B3GALT5: variants seen among roughly 807,000 people sequenced by gnomAD.
The protein encoded by B3GALT5 is beta-1,3-galactosyltransferase 5.
For synonymous variants in B3GALT5, 156 were observed against 158.6 expected, an observed-to-expected ratio of 0.98 and a Z score of 0.12; for missense variants, 328 against 396.6, an observed-to-expected ratio of 0.83 and a Z score of 1.47.
chr21:39,633,505 T>C (rs2079205785), intron 1 of B3GALT5, among the ~76,000 whole-genome samples: 1 of 152,190 alleles, frequency 6.6e-6, no homozygotes, highest in African/African-American at 2.4e-5. Context: ...CACTGTGAAA[T>C]GGGTTTCTAA....
chr21:39,632,937 T>C (rs1027432561), intron 1 of B3GALT5, among the ~76,000 whole-genome samples: 1 of 152,236 alleles, frequency 6.6e-6, no homozygotes, highest in Admixed American at 6.5e-5. Flanking sequence ...TATCTCTTCC[T>C]ACTTCTTTCC....
rs190109056 is a variant in B3GALT5, at chr21:39,616,302, G to C, written c.-392+3235G>C. Among the ~76,000 whole-genome samples the C allele has an allele frequency of 5.6e-4, 85 of 152,164 alleles. 1 individual carries two copies. The highest frequency in any genetic ancestry group is 1.8e-3 in the African/African-American group (76 of 41,526). ...TTTCTAATTTATTCATTTTTCCATA[G>C]AGGTGTTTTGGTGATCACTGTGCTT... On this transcript the variant is annotated intron_variant, in intron 1 of 3. Coordinates refer to ENST00000684187, the MANE Select transcript of B3GALT5 (RefSeq NM_001356336.2).
At chr21:39,633,136 C>T (rs1169303952) in intron 1 of B3GALT5, among the ~76,000 whole-genome samples, 5 of 152,024 alleles carry the variant, frequency 3.3e-5, no homozygotes, top group African/African-American at 1.2e-4. Flanking sequence ...GGCTGTGGTT[C>T]TTCTAGAGGG....
intron 2 of B3GALT5, among the ~76,000 whole-genome samples, chr21:39,648,588 C>G (rs1311689668): frequency 6.6e-6 from 1 of 152,170 alleles, no homozygotes; most frequent in African/African-American, 2.4e-5. Context: ...GTTTGGCCCT[C>G]CATGCAGTTG....
chr21:39,651,663 A>G (rs2079396642), intron 2 of B3GALT5, among the ~76,000 whole-genome samples: 1 of 152,230 alleles, frequency 6.6e-6, no homozygotes, highest in African/African-American at 2.4e-5. Context: ...CCACAGTAGT[A>G]GAACTTGTGA....
rs780438771 is a variant in B3GALT5, at chr21:39,661,228, C to T, written c.669C>T (p.Gly223=). 42 of 1,614,114 alleles carry T rather than the reference C, an allele frequency of 2.6e-5. 1 individual carries two copies. In the Admixed American group the frequency reaches 3.8e-4, roughly 15 times the overall value. Residue 223 remains glycine, a synonymous_variant, in exon 4 of 4, where the codon GGC becomes GGT. Transcript: ENST00000684187. The surrounding 1 kb of genome is among the most constrained non-coding windows in gnomAD (Gnocchi z 4.7). ...FCSGTGYVFS[G]DVASQVYNVS... ...CCGGCACCGGCTACGTGTTTTCTGGCGACGTGGCGAGTCAGGTGTACAATG... is the reference window on the plus strand; with the variant it reads ...CCGGCACCGGCTACGTGTTTTCTGGTGACGTGGCGAGTCAGGTGTACAATG...
chr21:39,626,883 A>G (rs2079166797), intron 1 of B3GALT5, among the ~76,000 whole-genome samples: 1 of 151,970 alleles, frequency 6.6e-6, no homozygotes, highest in Admixed American at 6.6e-5. Flanking sequence ...GGCTGCATTC[A>G]TTTCTCTTCT....
intron 1 of B3GALT5, among the ~76,000 whole-genome samples, chr21:39,622,968 A>G (rs1160437555): frequency 1.3e-5 from 2 of 152,122 alleles, no homozygotes; most frequent in African/African-American, 4.8e-5. Context: ...TTTCTCTATC[A>G]TGACAAGGAC....
intron 2 of B3GALT5, among the ~76,000 whole-genome samples, chr21:39,655,782 G>A (rs1279326297): frequency 2.0e-5 from 3 of 152,148 alleles, no homozygotes; most frequent in Non-Finnish European, 4.4e-5. Flanking sequence ...CGTCAGTCTG[G>A]GGTCAGCTGC....
At position 39,662,082 on chromosome 21, in the gene B3GALT5, T is replaced by G. The variant is rs2146223571; in HGVS notation, c.*590T>G. On this transcript the variant is annotated 3_prime_UTR_variant, in exon 4 of 4. Coordinates refer to ENST00000684187, the MANE Select transcript of B3GALT5 (RefSeq NM_001356336.2). The stretch of plus-strand genomic sequence containing the variant: ...CAGCTCCTTCATTCACAGGGCTGGA[T>G]GTAGCTGGGATTGAGTCCATGTTAT... 6.0e-6 allele frequency: 1 copy of G among 167,176 alleles called. No individual in the cohort carries two copies. Among genetic ancestry groups the G allele is most frequent in the African/African-American group, 2.4e-5 (1 of 41,558 alleles). The allele number at this position is 167,176 out of a possible 1,614,324, so 10.4% of individuals were successfully genotyped here.
Position 39,671,370 on chromosome 21 carries a change from T to C in B3GALT5, c.*9878T>C, listed in dbSNP as rs947081582. ...TGGCTGTGTCGCTCCTGGCAGATTT[T>C]AAAGTTCTTCCAGCCTGATTCCTCT... On this transcript the variant is annotated 3_prime_UTR_variant, in exon 4 of 4. Coordinates refer to ENST00000684187, the MANE Select transcript of B3GALT5 (RefSeq NM_001356336.2). 3 of 152,232 alleles carry C rather than the reference T, an allele frequency of 2.0e-5. No individual in the cohort carries two copies. Among genetic ancestry groups the C allele is most frequent in the Non-Finnish European group, 4.4e-5 (3 of 68,042 alleles). The allele number at this position is 152,232 out of a possible 1,614,324, so 9.4% of individuals were successfully genotyped here.
At chr21:39,632,876 C>T (rs552269085) in intron 1 of B3GALT5, among the ~76,000 whole-genome samples, 10 of 152,266 alleles carry the variant, frequency 6.6e-5, no homozygotes, top group Non-Finnish European at 1.5e-4. Flanking sequence ...TATGGTTATG[C>T]ACTCTATCCA....
intron 2 of B3GALT5, chr21:39,657,843 A>G: frequency 8.1e-7 from 1 of 1,231,728 alleles, no homozygotes; most frequent in Non-Finnish European, 1.0e-6. Flanking sequence ...CCATTCCGTT[A>G]TTGACTGGCT....
At chr21:39,630,665 C>A (rs541666425) in intron 1 of B3GALT5, among the ~76,000 whole-genome samples, 1 of 152,240 alleles carries the variant, frequency 6.6e-6, no homozygotes, top group Non-Finnish European at 1.5e-5. Flanking sequence ...TTGAGTGGAG[C>A]TAAACTCATT....
At chr21:39,619,695 G>GTTTGTTTC (rs974301867) in intron 1 of B3GALT5, among the ~76,000 whole-genome samples, 2 of 152,092 alleles carry the variant, frequency 1.3e-5, no homozygotes, top group African/African-American at 4.8e-5. Context: ...GATGTATTTT[G>GTTTGTTTC]TTTGTTTCTG....
intron 1 of B3GALT5, among the ~76,000 whole-genome samples, chr21:39,625,052 A>C (rs530701435): frequency 1.6e-3 from 246 of 152,326 alleles, no homozygotes; most frequent in Middle Eastern, 3.4e-3. Flanking sequence ...ACTATGGTGT[A>C]ACACTTATGT....
intron 2 of B3GALT5, among the ~76,000 whole-genome samples, chr21:39,656,977 G>A (rs182983195): frequency 2.0e-5 from 3 of 152,356 alleles, no homozygotes; most frequent in East Asian, 3.9e-4. Context: ...CAGAAGGGGG[G>A]CAGTGACCTA....
At chr21:39,634,472 T>A (rs2079212945) in intron 1 of B3GALT5, among the ~76,000 whole-genome samples, 1 of 152,206 alleles carries the variant, frequency 6.6e-6, no homozygotes, top group Admixed American at 6.5e-5. Flanking sequence ...CATCGTTTGT[T>A]GTGCTGGTTG....
At chr21:39,641,939 G>C (rs1364736048) in intron 1 of B3GALT5, among the ~76,000 whole-genome samples, 2 of 152,158 alleles carry the variant, frequency 1.3e-5, no homozygotes, top group Non-Finnish European at 2.9e-5. Flanking sequence ...GACTTTTGCT[G>C]TTTTGGTAGC....
Sources: gnomAD v4.1 joint callset for allele counts (sites outside exome capture counted in the v4.1 genomes callset) on GRCh38, gnomAD v4.1.1 for gene constraint, Gnocchi (gnomAD v3.1) non-coding constraint, MANE v1.5 for transcripts, NCBI Gene and HGNC (gene_info 2026-07-23, HGNC 2026-07-21) for gene names.